TENM1: variants seen among roughly 807,000 people sequenced by gnomAD.
TENM1 encodes teneurin-1.
Under a neutral mutation model 174.8 loss-of-function variants are expected in TENM1, and 35 were observed. The ratio of observed to expected loss-of-function variants is 0.20; its 90% CI spans 0.15 to 0.27. The LOEUF is 0.27. Ranked by LOEUF, TENM1 falls within the 10% of genes least tolerant of loss-of-function variation. The pLI is 1.00. For missense variants in TENM1, 1,633 were observed against 2,130.1 expected, an observed-to-expected ratio of 0.77 and a Z score of 4.59; for synonymous variants, 781 against 798.7, an observed-to-expected ratio of 0.98 and a Z score of 0.37.
chrX:125,091,268 T>C, the TENM1 span, among the ~76,000 whole-genome samples: 11 of 110,894 alleles, frequency 9.9e-5, no homozygotes, highest in Non-Finnish European at 2.1e-4. Context: ...ATGAGCAAAG[T>C]TGAGGGAGTT....
At chrX:125,179,103 T>G in the TENM1 span, among the ~76,000 whole-genome samples, 1 of 111,889 alleles carries the variant, frequency 8.9e-6, no homozygotes, top group Admixed American at 9.5e-5. Context: ...GCCTAAATTA[T>G]TTTTTCAGGT....
intron 3 of TENM1, among the ~76,000 whole-genome samples, chrX:124,875,915 T>G (rs2057190874): frequency 1.9e-5 from 2 of 107,958 alleles, no homozygotes; most frequent in Admixed American, 1.0e-4. Flanking sequence ...CTTCCTCACT[T>G]CAAATAAAAC....
chrX:124,487,403 C>T (rs2046975633), intron 20 of TENM1, among the ~76,000 whole-genome samples, 174 bp from the exon 24 acceptor site: 1 of 112,149 alleles, frequency 8.9e-6, no homozygotes, highest in African/African-American at 3.2e-5. Context: ...TGATCCAATC[C>T]CTCCAGGCTT....
intron 11 of TENM1, among the ~76,000 whole-genome samples, chrX:124,584,423 T>C (rs2049431027): frequency 9.0e-6 from 1 of 110,512 alleles, no homozygotes; most frequent in East Asian, 2.8e-4. Context: ...GAATTTCATA[T>C]CCAGCAAAAC....
chrX:124,451,200 G>A (rs929132159), intron 23 of TENM1, among the ~76,000 whole-genome samples: 3 of 110,497 alleles, frequency 2.7e-5, no homozygotes, highest in African/African-American at 9.9e-5. Flanking sequence ...GTCTAATACT[G>A]ATTTTGTAGA....
rs1569452143 is a variant in TENM1, at chrX:124,809,875, AG to A, written c.536-72679del. On this transcript the variant is annotated intron_variant, in intron 3 of 31. Coordinates refer to ENST00000422452, the Ensembl canonical transcript of TENM1. Reference sequence around the variant, plus strand: ...GAGAGAGAGAGAGAGAGAGAGAGAGAGAGAAGCAGGAAGCACCAGACACTTA... The same window carrying A: ...GAGAGAGAGAGAGAGAGAGAGAGAGAAGAAGCAGGAAGCACCAGACACTTA... Among the ~76,000 whole-genome samples, 557 of 107,948 alleles carry A rather than the reference AG, an allele frequency of 5.2e-3. 3 individuals are homozygous for A. Among genetic ancestry groups the A allele is most frequent in the African/African-American group, 0.018 (517 of 29,323 alleles). The allele number at this position is 107,948 out of a possible 115,157, so 93.7% of individuals were successfully genotyped here.
intron 3 of TENM1, among the ~76,000 whole-genome samples, chrX:124,847,348 C>T (rs977772960): frequency 9.0e-6 from 1 of 111,646 alleles, no homozygotes; most frequent in African/African-American, 3.2e-5. Context: ...TTTAATCATT[C>T]CCTTTAAAAA....
At chrX:124,587,927 A>G (rs1223539262) in intron 11 of TENM1, among the ~76,000 whole-genome samples, 1 of 112,246 alleles carries the variant, frequency 8.9e-6, no homozygotes, top group African/African-American at 3.2e-5. Flanking sequence ...CAGCCAAAAG[A>G]CACATGAAAA....
At chrX:124,663,733 C>T (rs1232066195) in intron 6 of TENM1, among the ~76,000 whole-genome samples, 1 of 103,301 alleles carries the variant, frequency 9.7e-6, no homozygotes, top group Non-Finnish European at 2.0e-5. Flanking sequence ...TACTGCATCA[C>T]AGGAAAGGTG....
chrX:124,540,500 A>G (rs1279822295), intron 15 of TENM1, among the ~76,000 whole-genome samples: 1 of 111,971 alleles, frequency 8.9e-6, no homozygotes, highest in East Asian at 2.8e-4. Context: ...TGCAGCGATG[A>G]CCATCTTCCT....
chrX:124,937,247 C>T (rs922274521), intron 1 of TENM1, among the ~76,000 whole-genome samples: 6 of 111,180 alleles, frequency 5.4e-5, no homozygotes, highest in Non-Finnish European at 1.1e-4. Flanking sequence ...TGAATGGATT[C>T]GATTACAAAC....
intron 3 of TENM1, among the ~76,000 whole-genome samples, chrX:124,795,885 C>A (rs2055294409): frequency 9.0e-6 from 1 of 111,001 alleles, no homozygotes; most frequent in African/African-American, 3.3e-5. Context: ...GAAAAAGCAA[C>A]AGAATTGCTT....
intron 1 of TENM1, among the ~76,000 whole-genome samples, chrX:124,903,345 C>CA (rs973092314): frequency 3.9e-4 from 43 of 110,773 alleles, no homozygotes; most frequent in African/African-American, 1.3e-3. Flanking sequence ...ATGTTAATAT[C>CA]AAAAAAAGGA....
chrX:124,399,960 C>T (rs1350954670), intron 27 of TENM1, among the ~76,000 whole-genome samples: 4 of 110,300 alleles, frequency 3.6e-5, no homozygotes, highest in Non-Finnish European at 7.6e-5. Context: ...AGACAAAAAA[C>T]AAAAAAACAA....
the TENM1 span, among the ~76,000 whole-genome samples, chrX:125,194,262 T>C: frequency 5.4e-5 from 6 of 111,294 alleles, no homozygotes; most frequent in African/African-American, 2.0e-4. Context: ...TCAGAGTCAC[T>C]CCCTCCTTCT....
At chrX:124,553,583 C>T (rs1234394801) in intron 14 of TENM1, among the ~76,000 whole-genome samples, 1 of 103,702 alleles carries the variant, frequency 9.6e-6, no homozygotes, top group Non-Finnish European at 2.0e-5. Flanking sequence ...CCCTTTAAAT[C>T]CCCATTACCC....
chrX:124,576,004 A>G (rs1289792605), intron 11 of TENM1, among the ~76,000 whole-genome samples: 2 of 111,841 alleles, frequency 1.8e-5, no homozygotes, highest in African/African-American at 3.3e-5. Flanking sequence ...TTTGCTTATC[A>G]TTTGACCCAT....
intron 5 of TENM1, among the ~76,000 whole-genome samples, chrX:124,694,729 G>A (rs866595626): frequency 9.0e-6 from 1 of 111,713 alleles, no homozygotes; most frequent in Non-Finnish European, 1.9e-5. Context: ...TGTTCTTTAC[G>A]TTCAGTTCCA....
chrX:124,697,364 G>T (rs1195173151), intron 5 of TENM1, among the ~76,000 whole-genome samples: 1 of 111,331 alleles, frequency 9.0e-6, no homozygotes, highest in Non-Finnish European at 1.9e-5. Flanking sequence ...TTCCTGAGAA[G>T]TTACACTGTA....
Sources: gnomAD v4.1 joint callset for allele counts (sites outside exome capture counted in the v4.1 genomes callset) on GRCh38, gnomAD v4.1.1 for gene constraint, MANE v1.5 for transcripts, NCBI Gene and HGNC (gene_info 2026-07-23, HGNC 2026-07-21) for gene names.